Variants in FRMD5 observed in about 807,000 individuals in gnomAD.
FRMD5 encodes FERM domain-containing protein 5.
In FRMD5, 20 loss-of-function variants were observed where a neutral mutation model predicts 69.0. The ratio of observed to expected loss-of-function variants is 0.29; its 90% CI spans 0.20 to 0.42. The LOEUF (loss-of-function observed/expected upper bound fraction) is 0.42, where lower values mean the gene tolerates loss of function less well. FRMD5 is among the 10% of genes least tolerant of loss of function. The probability of loss-of-function intolerance (pLI) is 1.00; values close to 1 mark genes in which losing one functional copy is unlikely to be tolerated. For missense variants in FRMD5, 595 were observed against 708.6 expected (o/e 0.84, Z 1.82); for synonymous variants, 271 against 260.1 (o/e 1.04, Z -0.40).
intron 1 of FRMD5, among the ~76,000 whole-genome samples, chr15:44,121,661 A>AT (rs2076953287): frequency 6.6e-6 from 1 of 151,890 alleles, no homozygotes; most frequent in Non-Finnish European, 1.5e-5. Context: ...CAAAAAAAAA[A>AT]CAAAAACAAA....
chr15:44,001,052 T>C (rs1481270764), intron 1 of FRMD5, among the ~76,000 whole-genome samples: 1 of 152,190 alleles, frequency 6.6e-6, no homozygotes, highest in Non-Finnish European at 1.5e-5. Flanking sequence ...ATAACAAGTA[T>C]TCTCACCAAT....
Position 44,194,753 on chromosome 15 carries a change from G to T in FRMD5, c.102+200C>A, listed in dbSNP as rs1283119819. 8 of 659,306 alleles carry T rather than the reference G, an allele frequency of 1.2e-5. No individual in the cohort carries two copies. In the African/African-American group the frequency reaches 1.3e-4, roughly 11 times the overall value. The allele number at this position is 659,306 out of a possible 1,614,324, so 40.8% of individuals were successfully genotyped here. A position where few individuals can be genotyped will look rare whatever the true frequency, so the allele number is the denominator to read the frequency against. On this transcript the variant is annotated intron_variant, in intron 1 of 13. Transcript: ENST00000417257. Reference sequence around the variant, plus strand: ...CGCGGAGACTCGCCCCGCGGCGGCGGTGACACACCGGGTGCCAGGGCTCCG... The same window carrying T: ...CGCGGAGACTCGCCCCGCGGCGGCGTTGACACACCGGGTGCCAGGGCTCCG...
intron 1 of FRMD5, among the ~76,000 whole-genome samples, chr15:44,011,589 T>C (rs1003393554): frequency 6.6e-6 from 1 of 152,164 alleles, no homozygotes; most frequent in African/African-American, 2.4e-5. Context: ...TTGCTGAAGC[T>C]ATAGATGTGA....
intron 5 of FRMD5, among the ~76,000 whole-genome samples, chr15:43,906,325 T>A (rs1412397928): frequency 1.3e-5 from 2 of 152,216 alleles, no homozygotes; most frequent in African/African-American, 4.8e-5. Flanking sequence ...CAGGAAGTGG[T>A]GAGCTTGATC....
rs536284238 is a variant in FRMD5, at chr15:43,875,970, C to T, written c.1136-1508G>A. 1.4e-5 allele frequency: 19 copies of T among 1,386,518 alleles called. 2 individuals carry two copies. The South Asian group carries it at 2.2e-4, about 16-fold the overall frequency. The allele number at this position is 1,386,518 out of a possible 1,614,324, so 85.9% of individuals were successfully genotyped here. The stretch of plus-strand genomic sequence containing the variant: ...GGCAAATGCTGCTTCTTGAAATGGT[C>T]CCACCATGGACCCTCTGGTCATCCA... On this transcript the variant is annotated intron_variant, in intron 13 of 13. Coordinates refer to ENST00000417257, the MANE Select transcript of FRMD5 (RefSeq NM_032892.5).
intron 5 of FRMD5, 35 bp downstream of exon 5, chr15:43,909,847 A>T (rs2089253640): frequency 7.6e-7 from 1 of 1,321,196 alleles, no homozygotes; most frequent in Non-Finnish European, 1.1e-6. Flanking sequence ...AGTACTTGGC[A>T]TGAAAAGCAA....
chr15:44,156,717 T>C (rs537107790), intron 1 of FRMD5, among the ~76,000 whole-genome samples: 4 of 152,206 alleles, frequency 2.6e-5, no homozygotes, highest in South Asian at 2.1e-4. Context: ...AGTATGAAAA[T>C]AGGATTTGAT....
chr15:44,091,668 C>T (rs1228149622), intron 1 of FRMD5, among the ~76,000 whole-genome samples: 1 of 152,042 alleles, frequency 6.6e-6, no homozygotes, highest in Non-Finnish European at 1.5e-5. Context: ...AAGAAATACC[C>T]TTATATATAT....
intron 7 of FRMD5, among the ~76,000 whole-genome samples, chr15:43,897,916 C>G (rs1027067014): frequency 8.6e-5 from 13 of 151,756 alleles, no homozygotes; most frequent in African/African-American, 2.7e-4. Flanking sequence ...GCATCTCCCC[C>G]CTCATTCTCT....
At chr15:43,936,069 C>G (rs1199042278) in intron 1 of FRMD5, among the ~76,000 whole-genome samples, 1 of 152,196 alleles carries the variant, frequency 6.6e-6, no homozygotes, top group Non-Finnish European at 1.5e-5. Context: ...GCTAACCTTC[C>G]CATGTTTAAT....
chr15:43,986,499 T>C (rs1450759573), intron 1 of FRMD5, among the ~76,000 whole-genome samples: 1 of 152,188 alleles, frequency 6.6e-6, no homozygotes, highest in Non-Finnish European at 1.5e-5. Context: ...ACGAAACGTA[T>C]GAAGATGTCC....
intron 1 of FRMD5, among the ~76,000 whole-genome samples, chr15:44,049,149 T>C (rs776753775): frequency 4.6e-5 from 7 of 152,166 alleles, no homozygotes; most frequent in African/African-American, 1.4e-4. Flanking sequence ...ACAGATGATA[T>C]GCAATCTTTA....
intron 1 of FRMD5, among the ~76,000 whole-genome samples, chr15:43,964,654 G>A (rs2090263844): frequency 2.0e-5 from 3 of 152,004 alleles, no homozygotes; most frequent in Admixed American, 6.6e-5. Context: ...CACATATTCA[G>A]AATCCTGCCC....
chr15:43,972,836 T>C (rs2090402380), intron 1 of FRMD5, among the ~76,000 whole-genome samples: 1 of 152,226 alleles, frequency 6.6e-6, no homozygotes, highest in Admixed American at 6.5e-5. Context: ...CCACTGACCC[T>C]AGCTCTGCTT....
intron 13 of FRMD5, among the ~76,000 whole-genome samples, chr15:43,876,869 T>C (rs141049273): frequency 4.8e-4 from 73 of 152,308 alleles, no homozygotes; most frequent in African/African-American, 1.7e-3. Flanking sequence ...TGAGAAGATC[T>C]TGTTGCGGGG....
chr15:43,979,741 A>G (rs1463301106), intron 1 of FRMD5, among the ~76,000 whole-genome samples: 1 of 152,252 alleles, frequency 6.6e-6, no homozygotes, highest in East Asian at 1.9e-4. Context: ...TTTCTGTTTC[A>G]TAAAGAATTT....
At chr15:43,878,380 A>G (rs2088423648) in intron 13 of FRMD5, among the ~76,000 whole-genome samples, 1 of 152,240 alleles carries the variant, frequency 6.6e-6, no homozygotes, top group African/African-American at 2.4e-5. Flanking sequence ...ACCATGGGCC[A>G]GGACGGATTA....
At chr15:44,175,712 A>C (rs769751082) in intron 1 of FRMD5, among the ~76,000 whole-genome samples, 1 of 152,190 alleles carries the variant, frequency 6.6e-6, no homozygotes, top group African/African-American at 2.4e-5. Context: ...GAAAACTCCA[A>C]TGTCCCTCAA....
At position 44,195,262 on chromosome 15, in the gene FRMD5, G is replaced by T. The variant is rs571795271; in HGVS notation, c.-208C>A. On this transcript the variant is annotated 5_prime_UTR_variant, in exon 1 of 14. Coordinates refer to ENST00000417257, the MANE Select transcript of FRMD5 (RefSeq NM_032892.5). ...CGCCTCCCCCCAGCCCAGATCAAGC[G>T]CCGGGCTCTGTCTCCTCGGCGCCCC... The T allele has an allele frequency of 7.8e-5, 41 of 526,992 alleles. 1 individual carries two copies. The East Asian group carries it at 1.4e-3, about 18-fold the overall frequency. 32.6% of individuals were successfully genotyped at this position (526,992 alleles called of 1,614,324 possible). A position where few individuals can be genotyped will look rare whatever the true frequency, so the allele number is the denominator to read the frequency against.
Sources: gnomAD v4.1 joint callset for allele counts (sites outside exome capture counted in the v4.1 genomes callset) on GRCh38, gnomAD v4.1.1 for gene constraint, MANE v1.5 for transcripts, NCBI Gene and HGNC (gene_info 2026-07-23, HGNC 2026-07-21) for gene names.